Variants in PRTFDC1 observed in about 807,000 individuals in gnomAD.
The protein encoded by PRTFDC1 is phosphoribosyltransferase domain-containing protein 1.
In PRTFDC1, 38 loss-of-function variants were observed where a neutral mutation model predicts 34.6. The ratio of observed to expected loss-of-function variants is 1.10; its 90% CI spans 0.85 to 1.44. The LOEUF (loss-of-function observed/expected upper bound fraction) is 1.44, where lower values mean the gene tolerates loss of function less well. Ranked by LOEUF, PRTFDC1 falls within the 40% of genes most tolerant of loss-of-function variation. PRTFDC1 has a pLI of 0.00. For missense variants in PRTFDC1, 270 were observed against 283.0 expected (o/e 0.95, Z 0.33); for synonymous variants, 93 against 98.1 (o/e 0.95, Z 0.31).
At chr10:24,875,335 T>C (rs1192518920) in intron 3 of PRTFDC1, among the ~76,000 whole-genome samples, 1 of 152,216 alleles carries the variant, frequency 6.6e-6, no homozygotes, top group African/African-American at 2.4e-5. Context: ...TGCTGTGCAA[T>C]AGAACACCAG....
intron 3 of PRTFDC1, among the ~76,000 whole-genome samples, chr10:24,919,477 T>C (rs1588614124): frequency 6.6e-6 from 1 of 152,158 alleles, no homozygotes; most frequent in African/African-American, 2.4e-5. Flanking sequence ...TATACAAAAA[T>C]TAACTCCAGA....
intron 3 of PRTFDC1, among the ~76,000 whole-genome samples, chr10:24,926,761 C>A (rs1178713095): frequency 6.6e-6 from 1 of 152,174 alleles, no homozygotes; most frequent in African/African-American, 2.4e-5. Flanking sequence ...GGGTCCTGTT[C>A]CTGGTCCTGG....
intron 3 of PRTFDC1, among the ~76,000 whole-genome samples, chr10:24,881,663 A>G (rs1222455890): frequency 2.0e-5 from 3 of 152,212 alleles, no homozygotes; most frequent in Admixed American, 1.3e-4. Context: ...CTACTTGTAA[A>G]CAAAAGAACC....
intron 2 of PRTFDC1, among the ~76,000 whole-genome samples, chr10:24,938,094 C>T (rs962641608): frequency 6.6e-6 from 1 of 151,420 alleles, no homozygotes; most frequent in Admixed American, 6.6e-5. Flanking sequence ...GGCATGGTGG[C>T]GGGTGCCTGT....
intron 3 of PRTFDC1, among the ~76,000 whole-genome samples, 188 bp downstream of exon 3, chr10:24,936,996 C>T (rs901816020): frequency 5.9e-5 from 9 of 152,152 alleles, no homozygotes; most frequent in African/African-American, 1.7e-4. Flanking sequence ...AAGGTCCCCA[C>T]CCCACGCCCT....
chr10:24,937,797 A>C (rs1403563315), intron 2 of PRTFDC1, among the ~76,000 whole-genome samples: 1 of 151,616 alleles, frequency 6.6e-6, no homozygotes, highest in Non-Finnish European at 1.5e-5. Flanking sequence ...ACTTCAGGTG[A>C]CCTGGCCACC....
intron 3 of PRTFDC1, among the ~76,000 whole-genome samples, chr10:24,896,302 G>A (rs1461113738): frequency 1.3e-5 from 2 of 152,170 alleles, no homozygotes; most frequent in South Asian, 2.1e-4. Flanking sequence ...TAGGTTGCAT[G>A]TTCCTTACGA....
intron 3 of PRTFDC1, among the ~76,000 whole-genome samples, chr10:24,884,256 C>G (rs1331588791): frequency 6.6e-6 from 1 of 151,868 alleles, no homozygotes; most frequent in East Asian, 1.9e-4. Context: ...TCTCATGAAA[C>G]TGTTTTAAGA....
intron 3 of PRTFDC1, among the ~76,000 whole-genome samples, chr10:24,892,522 C>T (rs764103814): frequency 5.2e-4 from 79 of 151,832 alleles, no homozygotes; most frequent in Admixed American, 8.5e-4. Flanking sequence ...TTTCATGTAC[C>T]TATTGACCAT....
intron 3 of PRTFDC1, among the ~76,000 whole-genome samples, chr10:24,876,833 A>ACCCCCCCCCCCCCCCCCCCCCCC (rs1361345878): frequency 3.0e-5 from 3 of 99,148 alleles, no homozygotes; most frequent in African/African-American, 1.2e-4. Flanking sequence ...CTTTCCCCCA[A>ACCCCCCCCCCCCCCCCCCCCCCC]CCCCCCGCCC....
At chr10:24,870,225 A>G (rs1189656670) in intron 4 of PRTFDC1, among the ~76,000 whole-genome samples, 1 of 152,136 alleles carries the variant, frequency 6.6e-6, no homozygotes, top group Non-Finnish European at 1.5e-5. Context: ...CCTCTTCCTC[A>G]GCCTCCCAAG....
intron 3 of PRTFDC1, among the ~76,000 whole-genome samples, chr10:24,932,830 G>A (rs1233738704): frequency 6.6e-6 from 1 of 152,060 alleles, no homozygotes; most frequent in African/African-American, 2.4e-5. Context: ...CCAAGGCAGT[G>A]TGAAAAAGAA....
intron 3 of PRTFDC1, among the ~76,000 whole-genome samples, chr10:24,881,180 C>T (rs529797751): frequency 2.0e-5 from 3 of 151,918 alleles, no homozygotes; most frequent in East Asian, 3.9e-4. Flanking sequence ...CGATCTCCCA[C>T]TTCAGCCCCC....
chr10:24,887,222 G>T (rs182218785), intron 3 of PRTFDC1, among the ~76,000 whole-genome samples: 1 of 150,992 alleles, frequency 6.6e-6, no homozygotes, highest in Non-Finnish European at 1.5e-5. Flanking sequence ...CACCCGCCTC[G>T]GCCTCCCAAA....
At chr10:24,855,114 T>C (rs573509719) in intron 7 of PRTFDC1, among the ~76,000 whole-genome samples, 4 of 152,158 alleles carry the variant, frequency 2.6e-5, no homozygotes, top group Non-Finnish European at 2.9e-5. Flanking sequence ...AATTAGAACA[T>C]TGAAGACCCT....
intron 4 of PRTFDC1, among the ~76,000 whole-genome samples, chr10:24,859,643 T>A (rs892919662): frequency 1.2e-4 from 18 of 152,316 alleles, no homozygotes; most frequent in Admixed American, 7.2e-4. Context: ...TGTGAGCCAA[T>A]TACACCTTTT....
intron 3 of PRTFDC1, among the ~76,000 whole-genome samples, chr10:24,886,937 T>C (rs1404884942): frequency 6.7e-6 from 1 of 150,358 alleles, no homozygotes; most frequent in African/African-American, 2.5e-5. Flanking sequence ...TACATCTTTG[T>C]ATCTTGTTAA....
At chr10:24,878,020 C>T (rs1018227157) in intron 3 of PRTFDC1, among the ~76,000 whole-genome samples, 61 of 152,018 alleles carry the variant, frequency 4.0e-4, no homozygotes, top group African/African-American at 1.4e-3. Flanking sequence ...GTGGCTCACG[C>T]CTGTAATCCC....
rs559720474 is a variant in PRTFDC1, at chr10:24,868,829, A to G, written c.405+3169T>C. On this transcript the variant is annotated intron_variant, in intron 4 of 8. Transcript: ENST00000320152. ...TTTTTCCAGCTAGTGTATATTCTGC[A>G]TGATGGGAAGATTTTGGAGAGCCTC... Among the ~76,000 whole-genome samples, 215 of 151,562 alleles carry G rather than the reference A, an allele frequency of 1.4e-3. 1 individual carries two copies. The highest frequency in any genetic ancestry group is 5.0e-3 in the African/African-American group (208 of 41,344).
Sources: gnomAD v4.1 joint callset for allele counts (sites outside exome capture counted in the v4.1 genomes callset) on GRCh38, gnomAD v4.1.1 for gene constraint, MANE v1.5 for transcripts, NCBI Gene and HGNC (gene_info 2026-07-23, HGNC 2026-07-21) for gene names.